The following YKT6 variants were observed in gnomAD, a reference collection of about 807,000 sequenced individuals.
YKT6 encodes synaptobrevin homolog YKT6.
In YKT6, 12 loss-of-function variants were observed where a neutral mutation model predicts 29.3. The observed-to-expected ratio is 0.41, with a 90% CI of 0.26 to 0.66. The LOEUF (loss-of-function observed/expected upper bound fraction) is 0.66. YKT6 is among the 30% of genes least tolerant of loss of function. The probability of loss-of-function intolerance (pLI) is 0.32; values close to 1 mark genes in which losing one functional copy is unlikely to be tolerated. For missense variants in YKT6, 188 were observed against 243.8 expected (o/e 0.77, Z 1.52); for synonymous variants, 86 against 94.3 (o/e 0.91, Z 0.51).
At position 44,201,064 on chromosome 7, in the gene YKT6, G is replaced by A; in HGVS notation, c.-72G>A. The A allele has an allele frequency of 7.3e-7, 1 of 1,370,082 alleles. No individual in the cohort carries two copies. Among genetic ancestry groups the A allele is most frequent in the Non-Finnish European group, 9.8e-7 (1 of 1,024,478 alleles). 84.9% of individuals were successfully genotyped at this position (1,370,082 alleles called of 1,614,324 possible). A position where few individuals can be genotyped will look rare whatever the true frequency, so the allele number is the denominator to read the frequency against. The stretch of plus-strand genomic sequence containing the variant: ...CCGGTAGGCGGCGGCGGTCCCGAGG[G>A]GCGGCGGCCGCGCTGCTCCCTGAGA... On this transcript the variant is annotated 5_prime_UTR_variant, in exon 1 of 7. Coordinates refer to ENST00000223369, the MANE Select transcript of YKT6 (RefSeq NM_006555.4).
intron 3 of YKT6, 63 bp downstream of exon 3, chr7:44,206,548 C>A: frequency 7.0e-7 from 1 of 1,435,292 alleles, no homozygotes; most frequent in Non-Finnish European, 9.8e-7. Context: ...TGGACTGGGA[C>A]AGGGGTTGAT....
chr7:44,208,444 C>T (rs1193992804), intron 5 of YKT6: 8 of 468,656 alleles, frequency 1.7e-5, no homozygotes, highest in African/African-American at 2.0e-5. Context: ...CTCAAGTCTC[C>T]CTTCCTCATG....
Position 44,212,387 on chromosome 7 carries a change from G to T in YKT6, c.*105G>T. On this transcript the variant is annotated 3_prime_UTR_variant, in exon 7 of 7. Coordinates refer to ENST00000223369, the MANE Select transcript of YKT6 (RefSeq NM_006555.4). ...CCATAGACGAGGAGCCAGAGTGGGG[G>T]CAGACTGGCCATTTTTATTTTGAAG... 7.0e-7 allele frequency: 1 copy of T among 1,422,236 alleles called. No individual in the cohort carries two copies. Among genetic ancestry groups the T allele is most frequent in the Non-Finnish European group, 9.7e-7 (1 of 1,027,798 alleles). 88.1% of individuals were successfully genotyped at this position (1,422,236 alleles called of 1,614,324 possible).
intron 1 of YKT6, among the ~76,000 whole-genome samples, chr7:44,204,317 GA>G (rs1332529403): frequency 6.6e-6 from 1 of 152,126 alleles, no homozygotes; most frequent in East Asian, 1.9e-4. Context: ...GTATCCTGTG[GA>G]AAAACCCCCC....
At chr7:44,203,396 A>G (rs1355198059) in intron 1 of YKT6, among the ~76,000 whole-genome samples, 2 of 152,190 alleles carry the variant, frequency 1.3e-5, no homozygotes, top group African/African-American at 4.8e-5. Context: ...GTCCGGCCTG[A>G]GCTTGTTTTC....
In YKT6 at chr7:44,208,388, T is replaced by C. The variant is rs1428506664; in HGVS notation, c.459+190T>C. 7.0e-6 allele frequency: 4 copies of C among 573,130 alleles called. No individual in the cohort carries two copies. In the East Asian group the frequency reaches 1.2e-4, roughly 18 times the overall value. 35.5% of individuals were successfully genotyped at this position (573,130 alleles called of 1,614,324 possible). A position where few individuals can be genotyped will look rare whatever the true frequency, so the allele number is the denominator to read the frequency against. On this transcript the variant is annotated intron_variant, in intron 5 of 6. Coordinates refer to ENST00000223369, the MANE Select transcript of YKT6 (RefSeq NM_006555.4). ...TTTCCTATACCCTTCTCTTGGTTAA[T>C]GGCACCCATTGTTTCTAGGGGACCA...
chr7:44,210,409 G>A (rs59376731), intron 5 of YKT6, among the ~76,000 whole-genome samples: 1,725 of 152,278 alleles, frequency 0.011, 29 homozygotes, highest in African/African-American at 0.039. Flanking sequence ...CTGCCGTCAC[G>A]TGACCTTCTG....
chr7:44,204,156 T>G (rs1386765164), intron 1 of YKT6, among the ~76,000 whole-genome samples: 2 of 152,252 alleles, frequency 1.3e-5, no homozygotes, highest in Non-Finnish European at 2.9e-5. Context: ...GTTGTGCATT[T>G]CTGCCTGACA....
intron 5 of YKT6, among the ~76,000 whole-genome samples, chr7:44,209,231 C>T (rs2096344169): frequency 6.6e-6 from 1 of 152,182 alleles, no homozygotes; most frequent in South Asian, 2.1e-4. Context: ...ACATCAGCGT[C>T]TCCTGGGGTT....
chr7:44,211,064 A>G lies in YKT6; in HGVS notation c.501A>G (p.Leu167=). The change falls in exon 6 of 7, where the codon CTA becomes CTG. Residue 167 remains leucine (L), a synonymous_variant. Transcript: ENST00000223369. ...MESLLERGEK[L]DDLVSKSEVL... ...CTCTGTTAGAGCGAGGTGAGAAGCT[A>G]GATGACTTGGTGTCCAAATCCGAGG... 1.2e-6 allele frequency: 2 copies of G among 1,614,094 alleles called. No homozygotes were observed. The highest frequency in any genetic ancestry group is 1.7e-6 in the Non-Finnish European group (2 of 1,180,016).
chr7:44,201,041 G>C lies in YKT6; in HGVS notation c.-95G>C, dbSNP rs1415831400. ...GTCAGCAGCCGGCTGCTGAGAGGCC[G>C]GTAGGCGGCGGCGGTCCCGAGGGGC... On this transcript the variant is annotated 5_prime_UTR_variant, in exon 1 of 7. Transcript: ENST00000223369. 6 of 1,052,900 alleles carry C rather than the reference G, an allele frequency of 5.7e-6. No homozygotes were observed. The highest frequency in any genetic ancestry group is 3.1e-5 in the East Asian group (1 of 31,832). The allele number at this position is 1,052,900 out of a possible 1,614,324, so 65.2% of individuals were successfully genotyped here. A position where few individuals can be genotyped will look rare whatever the true frequency, so the allele number is the denominator to read the frequency against.
At position 44,201,228 on chromosome 7, in the gene YKT6, C is replaced by T; in HGVS notation, c.93C>T (p.Phe31=). The T allele has an allele frequency of 6.2e-7, 1 of 1,612,294 alleles. No homozygotes were observed. Among genetic ancestry groups the T allele is most frequent in the Non-Finnish European group, 8.5e-7 (1 of 1,179,096 alleles). ...AAYDVSSFSF[F]QRSSVQEFMT... is the part of the protein sequence containing the mutation. The stretch of plus-strand genomic sequence containing the variant: ...ACGATGTGTCTTCCTTCAGCTTTTT[C>T]CAGAGATCCAGGTGAGCGGCACAGG... Residue 31 remains phenylalanine, a synonymous_variant, in exon 1 of 7, where the codon TTC becomes TTT. Coordinates refer to ENST00000223369, the MANE Select transcript of YKT6 (RefSeq NM_006555.4).
chr7:44,211,713 C>T (rs1450712791), intron 6 of YKT6: 6 of 709,468 alleles, frequency 8.5e-6, no homozygotes, highest in Admixed American at 5.7e-5. Flanking sequence ...TTCATGTGCA[C>T]ATTGGAGGGA....
Position 44,204,665 on chromosome 7 carries a change from C to CAA in YKT6, c.187+16_187+17dup. 6.2e-7 allele frequency: 1 copy of CAA among 1,613,950 alleles called. No homozygotes were observed. The highest frequency in any genetic ancestry group is 8.5e-7 in the Non-Finnish European group (1 of 1,179,834). ...CAAAGAACAAGGTAAGAAGACCCTC[C>CAA]AACTTCTGTGCGTGTGCTGGCCTGG... On this transcript the variant is annotated intron_variant, in intron 2 of 6. Coordinates refer to ENST00000223369, the MANE Select transcript of YKT6 (RefSeq NM_006555.4).
rs931983198 is a variant in YKT6, at chr7:44,201,066, C to A, written c.-70C>A. On this transcript the variant is annotated 5_prime_UTR_variant, in exon 1 of 7. Coordinates refer to ENST00000223369, the MANE Select transcript of YKT6 (RefSeq NM_006555.4). Reference sequence around the variant, plus strand: ...GGTAGGCGGCGGCGGTCCCGAGGGGCGGCGGCCGCGCTGCTCCCTGAGAAC... The same window carrying A: ...GGTAGGCGGCGGCGGTCCCGAGGGGAGGCGGCCGCGCTGCTCCCTGAGAAC... 7.3e-7 allele frequency: 1 copy of A among 1,372,930 alleles called. No homozygotes were observed. The highest frequency in any genetic ancestry group is 9.7e-7 in the Non-Finnish European group (1 of 1,027,450). The allele number at this position is 1,372,930 out of a possible 1,614,324, so 85.0% of individuals were successfully genotyped here.
Position 44,210,919 on chromosome 7 carries a change from G to T in YKT6, c.460-104G>T, listed in dbSNP as rs1398313063. 5.2e-6 allele frequency: 6 copies of T among 1,152,924 alleles called. No homozygotes were observed. The East Asian group carries it at 1.5e-4, about 28-fold the overall frequency. 71.4% of individuals were successfully genotyped at this position (1,152,924 alleles called of 1,614,324 possible). On this transcript the variant is annotated intron_variant, in intron 5 of 6. Transcript: ENST00000223369. ...CTAGAGGTGAAGTTTGTGTGTGTTGGAGAGGAACCCAGGTAAGGCACTTTC... is the reference window on the plus strand; with the variant it reads ...CTAGAGGTGAAGTTTGTGTGTGTTGTAGAGGAACCCAGGTAAGGCACTTTC...
intron 1 of YKT6, 95 bp downstream of exon 1, chr7:44,201,334 A>G: frequency 5.2e-6 from 1 of 191,204 alleles, no homozygotes; most frequent in Non-Finnish European, 9.3e-6. Context: ...CGGAGGGATG[A>G]GGGGAGGGTG....
chr7:44,210,690 AC>A, intron 5 of YKT6: 1 of 391,290 alleles, frequency 2.6e-6, no homozygotes, highest in Non-Finnish European at 5.0e-6. Context: ...GCACACACAC[AC>A]ACACACACAA....
At chr7:44,201,315 T>A in intron 1 of YKT6, 76 bp downstream of exon 1, 1 of 673,844 alleles carries the variant, frequency 1.5e-6, no homozygotes, top group East Asian at 1.2e-4. Context: ...GGAGTGGGCC[T>A]GGGGTCGGCG....
Sources: gnomAD v4.1 joint callset for allele counts (sites outside exome capture counted in the v4.1 genomes callset) on GRCh38, gnomAD v4.1.1 for gene constraint, MANE v1.5 for transcripts, NCBI Gene and HGNC (gene_info 2026-07-23, HGNC 2026-07-21) for gene names.